DPP10: variants seen among roughly 807,000 people sequenced by gnomAD.
The protein encoded by DPP10 is dipeptidyl peptidase like 10.
Under a neutral mutation model 120.9 loss-of-function variants are expected in DPP10, and 33 were observed. That is an observed-to-expected ratio of 0.27 (90% confidence interval 0.21 to 0.37). The LOEUF (loss-of-function observed/expected upper bound fraction) is 0.37, where lower values mean the gene tolerates loss of function less well. Among genes scored for constraint, DPP10 ranks in the 10% least tolerant of loss-of-function variants. The pLI is 1.00. For synonymous variants in DPP10, 337 were observed against 326.1 expected (o/e 1.03, Z -0.36); for missense variants, 816 against 942.8 (o/e 0.87, Z 1.76).
chr2:114,618,231 A>G (rs1020857543), intron 1 of DPP10, among the ~76,000 whole-genome samples: 1 of 152,062 alleles, frequency 6.6e-6, no homozygotes, highest in Admixed American at 6.6e-5. Context: ...CAAATGTCTC[A>G]TGCTTGTCAT....
chr2:115,326,572 A>G (rs1458577062), intron 2 of DPP10, among the ~76,000 whole-genome samples: 2 of 152,028 alleles, frequency 1.3e-5, no homozygotes, highest in Admixed American at 1.3e-4. Context: ...CATGGTTATC[A>G]TAGGAGATTT....
intron 3 of DPP10, among the ~76,000 whole-genome samples, chr2:115,438,343 A>G (rs1453601181): frequency 6.6e-6 from 1 of 152,124 alleles, no homozygotes; most frequent in African/African-American, 2.4e-5. Context: ...GCATAGAATA[A>G]CTACATGATA....
At chr2:114,972,760 T>C (rs1227010776) in intron 1 of DPP10, among the ~76,000 whole-genome samples, 1 of 152,222 alleles carries the variant, frequency 6.6e-6, no homozygotes, top group Non-Finnish European at 1.5e-5. Context: ...CTTGATTGGA[T>C]TGTCTAAGTC....
chr2:115,736,893 C>G (rs1373713114), intron 8 of DPP10, among the ~76,000 whole-genome samples: 1 of 152,122 alleles, frequency 6.6e-6, no homozygotes, highest in Non-Finnish European at 1.5e-5. Flanking sequence ...CACTAGTTTT[C>G]TAATTTTACT....
intron 3 of DPP10, among the ~76,000 whole-genome samples, chr2:115,442,386 T>TGC (rs1553412352): frequency 5.1e-5 from 6 of 116,926 alleles, no homozygotes; most frequent in Non-Finnish European, 9.4e-5. Context: ...TGTGTGTGTG[T>TGC]GCGTGTGTCG....
At chr2:115,357,265 C>T (rs960075424) in intron 3 of DPP10, among the ~76,000 whole-genome samples, 3 of 152,190 alleles carry the variant, frequency 2.0e-5, no homozygotes, top group Non-Finnish European at 4.4e-5. Context: ...GCCTGTAAAA[C>T]CAGAACAAGT....
At chr2:115,734,378 C>T (rs1358714063) in intron 8 of DPP10, among the ~76,000 whole-genome samples, 1 of 151,906 alleles carries the variant, frequency 6.6e-6, no homozygotes, top group Admixed American at 6.6e-5. Flanking sequence ...TACGGTGGGG[C>T]CGGGCATGGT....
chr2:115,281,789 A>G (rs2060166510), intron 1 of DPP10, among the ~76,000 whole-genome samples: 1 of 152,168 alleles, frequency 6.6e-6, no homozygotes, highest in South Asian at 2.1e-4. Context: ...TGGATATCTT[A>G]AAACATTATA....
At chr2:115,616,761 G>T (rs577211708) in intron 5 of DPP10, among the ~76,000 whole-genome samples, 1 of 151,974 alleles carries the variant, frequency 6.6e-6, no homozygotes, top group East Asian at 1.9e-4. Flanking sequence ...TCCTTTAGAG[G>T]TGTCTCTTTT....
chr2:114,635,045 A>G (rs573288566), intron 1 of DPP10, among the ~76,000 whole-genome samples: 32 of 151,872 alleles, frequency 2.1e-4, no homozygotes, highest in Non-Finnish European at 3.2e-4. Context: ...AGAATGTTTT[A>G]CTACTACTAG....
At chr2:115,833,280 A>G (rs1028149169) in intron 21 of DPP10, among the ~76,000 whole-genome samples, 13 of 152,180 alleles carry the variant, frequency 8.5e-5, no homozygotes, top group African/African-American at 3.1e-4. Context: ...CATCATAATC[A>G]GCTGAAAGTT....
At chr2:115,643,179 A>C (rs1037261738) in intron 5 of DPP10, among the ~76,000 whole-genome samples, 1 of 151,756 alleles carries the variant, frequency 6.6e-6, no homozygotes, top group Non-Finnish European at 1.5e-5. Context: ...ATTAATATTC[A>C]GTGAAATTGA....
intron 7 of DPP10, among the ~76,000 whole-genome samples, chr2:115,715,795 T>C (rs2149590455): frequency 6.6e-6 from 1 of 152,350 alleles, no homozygotes; most frequent in Middle Eastern, 3.4e-3. Flanking sequence ...TTCTCCCAAA[T>C]AGCAAATATA....
intron 1 of DPP10, among the ~76,000 whole-genome samples, chr2:115,187,415 C>T (rs1006668410): frequency 1.3e-5 from 2 of 152,088 alleles, no homozygotes; most frequent in African/African-American, 4.8e-5. Flanking sequence ...TAGAAACTTT[C>T]AGATATTTAT....
chr2:114,644,637 G>T lies in DPP10; in HGVS notation c.60+201799G>T, dbSNP rs138719457. Among the ~76,000 whole-genome samples the T allele has an allele frequency of 4.1e-4, 63 of 151,946 alleles. 3 individuals carry two copies. The highest frequency in any genetic ancestry group is 1.5e-3 in the African/African-American group (60 of 41,232). On this transcript the variant is annotated intron_variant, in intron 1 of 25. Coordinates refer to ENST00000410059, the MANE Select transcript of DPP10 (RefSeq NM_020868.6). ...TGCAGTGATGTTACTGTGAAGCCAGGTTCACATTTTCAGCCTTTAGAAAAG... is the reference window on the plus strand; with the variant it reads ...TGCAGTGATGTTACTGTGAAGCCAGTTTCACATTTTCAGCCTTTAGAAAAG...
intron 7 of DPP10, among the ~76,000 whole-genome samples, chr2:115,709,925 A>G (rs1043289085): frequency 4.6e-5 from 7 of 152,098 alleles, no homozygotes; most frequent in South Asian, 2.1e-4. Context: ...TACATATTCA[A>G]GGTGCTCAGT....
At chr2:115,578,577 A>G (rs1260835990) in intron 5 of DPP10, among the ~76,000 whole-genome samples, 1 of 152,206 alleles carries the variant, frequency 6.6e-6, no homozygotes, top group African/African-American at 2.4e-5. Context: ...AGTGAGTAAC[A>G]TTTATCCTGG....
intron 1 of DPP10, among the ~76,000 whole-genome samples, chr2:114,512,639 A>G (rs1332019515): frequency 1.3e-5 from 2 of 152,274 alleles, no homozygotes; most frequent in Admixed American, 6.5e-5. Context: ...ACGGATGCAA[A>G]CAAACACATT....
intron 1 of DPP10, among the ~76,000 whole-genome samples, chr2:115,214,015 T>C (rs1375829106): frequency 6.6e-6 from 1 of 152,166 alleles, no homozygotes; most frequent in African/African-American, 2.4e-5. Flanking sequence ...TTTTTATAAA[T>C]CTTTAATATT....
Sources: allele counts gnomAD v4.1 joint callset (sites outside exome capture counted in the v4.1 genomes callset), GRCh38; gene constraint gnomAD v4.1.1; transcripts MANE v1.5; gene names NCBI Gene and HGNC (gene_info 2026-07-23, HGNC 2026-07-21).